LHFPL6: variants seen among roughly 807,000 people sequenced by gnomAD.
LHFPL6 encodes the protein LHFPL tetraspan subfamily member 6.
Under a neutral mutation model 20.6 loss-of-function variants are expected in LHFPL6, and 9 were observed. The observed-to-expected ratio is 0.44, with a 90% CI of 0.26 to 0.76. The LOEUF is 0.76. LHFPL6 is among the 30% of genes least tolerant of loss of function. The pLI, the probability that LHFPL6 is intolerant of heterozygous loss-of-function variation, is 0.20. For missense variants in LHFPL6, 218 were observed against 253.5 expected (o/e 0.86, Z 0.95); for synonymous variants, 105 against 98.7 (o/e 1.06, Z -0.38).
intron 2 of LHFPL6, among the ~76,000 whole-genome samples, chr13:39,597,515 T>C (rs1219751241): frequency 4.6e-5 from 7 of 152,240 alleles, no homozygotes; most frequent in Admixed American, 4.6e-4. Flanking sequence ...TCTCCTAGCA[T>C]CCTTACCACA....
chr13:39,480,636 T>C (rs1246063319), intron 2 of LHFPL6, among the ~76,000 whole-genome samples: 1 of 152,188 alleles, frequency 6.6e-6, no homozygotes, highest in Non-Finnish European at 1.5e-5. Context: ...TCATGGGGAC[T>C]CCTTGGTCTA....
chr13:39,597,061 G>C (rs576348187), intron 2 of LHFPL6, among the ~76,000 whole-genome samples: 2 of 152,322 alleles, frequency 1.3e-5, no homozygotes, highest in East Asian at 1.9e-4. Flanking sequence ...GCACTTAACT[G>C]TCTATTAGTT....
intron 3 of LHFPL6, among the ~76,000 whole-genome samples, chr13:39,346,319 A>C (rs1869400368): frequency 6.6e-6 from 1 of 152,162 alleles, no homozygotes; most frequent in African/African-American, 2.4e-5. Flanking sequence ...TTCAGTCCTC[A>C]ACCTAGGTGT....
chr13:39,448,537 A>C (rs2138419396), intron 2 of LHFPL6, among the ~76,000 whole-genome samples: 1 of 152,310 alleles, frequency 6.6e-6, no homozygotes, highest in African/African-American at 2.4e-5. Context: ...CTCTACTTTC[A>C]TTTTCTGTAA....
intron 2 of LHFPL6, among the ~76,000 whole-genome samples, chr13:39,495,598 C>G (rs959398643): frequency 7.3e-6 from 1 of 136,328 alleles, no homozygotes; most frequent in Non-Finnish European, 1.6e-5. Context: ...AACGACCATA[C>G]TAGGCTTTTT....
chr13:39,599,753 G>A (rs368053057), intron 2 of LHFPL6, among the ~76,000 whole-genome samples: 1 of 152,164 alleles, frequency 6.6e-6, no homozygotes, highest in Admixed American at 6.5e-5. Context: ...TAAATACTCT[G>A]AAATAATCCA....
chr13:39,531,931 G>A (rs9576838), intron 2 of LHFPL6, among the ~76,000 whole-genome samples: 11,290 of 152,032 alleles, frequency 0.074, 981 homozygotes, highest in East Asian at 0.21. Context: ...GACAGGTTTG[G>A]CTTTCGTGTT....
At chr13:39,592,588 T>C (rs192456962) in intron 2 of LHFPL6, among the ~76,000 whole-genome samples, 155 of 152,106 alleles carry the variant, frequency 1.0e-3, no homozygotes, top group African/African-American at 3.5e-3. Flanking sequence ...TTCCAATCAA[T>C]AGAAAAAGAG....
intron 2 of LHFPL6, among the ~76,000 whole-genome samples, chr13:39,592,436 C>T (rs1872636178): frequency 6.6e-6 from 1 of 152,056 alleles, no homozygotes; most frequent in Admixed American, 6.6e-5. Flanking sequence ...AAGTTGAATC[C>T]CTGAATAGAC....
At position 39,475,246 on chromosome 13, in the gene LHFPL6, C is replaced by T. The variant is rs549975554; in HGVS notation, c.386-96720G>A. 8.5e-5 allele frequency among the ~76,000 whole-genome samples: 13 copies of T among 152,294 alleles called. No individual in the cohort carries two copies. In the South Asian group the frequency reaches 2.5e-3, roughly 29 times the overall value. ...GAAACTGGAGGGTGACAATCTTAGA[C>T]ATGCAGGCAGATGTCTGATCATGAA... is the stretch of plus-strand genomic sequence containing the variant. On this transcript the variant is annotated intron_variant, in intron 2 of 3. Transcript: ENST00000379589.
intron 2 of LHFPL6, among the ~76,000 whole-genome samples, chr13:39,515,586 T>C (rs1323327573): frequency 1.3e-5 from 2 of 152,212 alleles, no homozygotes; most frequent in African/African-American, 4.8e-5. Flanking sequence ...TGATAATCAT[T>C]CTAAGGCATT....
intron 3 of LHFPL6, among the ~76,000 whole-genome samples, chr13:39,364,707 G>A (rs765240163): frequency 5.9e-5 from 9 of 151,662 alleles, no homozygotes; most frequent in East Asian, 2.0e-4. Flanking sequence ...CAGAACATGC[G>A]GATTTGTTGC....
At chr13:39,527,506 GAAA>G (rs370726805) in intron 2 of LHFPL6, among the ~76,000 whole-genome samples, 1 of 101,898 alleles carries the variant, frequency 9.8e-6, no homozygotes. Flanking sequence ...CTGTTGTCCA[GAAA>G]AAAAAAAAAA....
chr13:39,463,698 A>G (rs566815086), intron 2 of LHFPL6, among the ~76,000 whole-genome samples: 1 of 152,278 alleles, frequency 6.6e-6, no homozygotes, highest in East Asian at 1.9e-4. Flanking sequence ...AGGAGAGAAA[A>G]GGGCAGGGAG....
intron 2 of LHFPL6, among the ~76,000 whole-genome samples, chr13:39,595,047 A>G (rs985098943): frequency 1.3e-5 from 2 of 152,186 alleles, no homozygotes; most frequent in African/African-American, 4.8e-5. Context: ...CAGCACACCA[A>G]CATGGCACAT....
intron 2 of LHFPL6, among the ~76,000 whole-genome samples, chr13:39,562,503 T>TAC (rs1871544302): frequency 6.9e-6 from 1 of 144,080 alleles, no homozygotes; most frequent in African/African-American, 2.6e-5. Context: ...TATACATATA[T>TAC]ACATATATAC....
chr13:39,472,212 C>T (rs1168294435), intron 2 of LHFPL6, among the ~76,000 whole-genome samples: 2 of 152,118 alleles, frequency 1.3e-5, no homozygotes, highest in Non-Finnish European at 2.9e-5. Flanking sequence ...TATATACTAC[C>T]CGGCCATTGC....
At chr13:39,567,583 C>CCCTTCCTCTCCTCTTCTACCTTTT (rs1167424826) in intron 2 of LHFPL6, among the ~76,000 whole-genome samples, 143 of 152,222 alleles carry the variant, frequency 9.4e-4, no homozygotes, top group African/African-American at 3.3e-3. Flanking sequence ...CTATTTCTCT[C>CCCTTCCTCTCCTCTTCTACCTTTT]CCTTCCTCTC....
At chr13:39,371,388 C>T (rs1566096074) in intron 3 of LHFPL6, among the ~76,000 whole-genome samples, 1 of 152,180 alleles carries the variant, frequency 6.6e-6, no homozygotes, top group African/African-American at 2.4e-5. Context: ...AGCCCTTATG[C>T]TTAATGGGTA....
Sources: allele counts gnomAD v4.1 joint callset (sites outside exome capture counted in the v4.1 genomes callset), GRCh38; gene constraint gnomAD v4.1.1; transcripts MANE v1.5; gene names NCBI Gene and HGNC (gene_info 2026-07-23, HGNC 2026-07-21).